The following ATF3 variants were observed in gnomAD, a reference collection of about 807,000 sequenced individuals.
ATF3 encodes the protein cyclic AMP-dependent transcription factor ATF-3.
In ATF3, 10 loss-of-function variants were observed where a neutral mutation model predicts 18.4. The ratio of observed to expected loss-of-function variants is 0.54; its 90% CI spans 0.34 to 0.92. ATF3 has a LOEUF of 0.92. ATF3 is among the 40% of genes least tolerant of loss of function. The pLI is 0.02. For missense variants in ATF3, 183 were observed against 222.3 expected (o/e 0.82, Z 1.12); for synonymous variants, 78 against 87.9 (o/e 0.89, Z 0.63).
rs1010177669 is a variant in ATF3 at position 212,615,877 on chromosome 1, T to C, written c.240+616T>C. Reference sequence around the variant, plus strand: ...TGATCACGGCTCATTGTAGCCTCAGTCTCCTGGGCTCAAGCGATCCTCCTG... The same window carrying C: ...TGATCACGGCTCATTGTAGCCTCAGCCTCCTGGGCTCAAGCGATCCTCCTG... On this transcript the variant is annotated intron_variant, in intron 2 of 3. Coordinates refer to ENST00000341491, the MANE Select transcript of ATF3 (RefSeq NM_001674.4). Among the ~76,000 whole-genome samples, 9 of 148,868 alleles carry C rather than the reference T, an allele frequency of 6.0e-5. No individual in the cohort carries two copies. The East Asian group carries it at 1.1e-3, about 17-fold the overall frequency.
chr1:212,619,784 C>G lies in ATF3; in HGVS notation c.*229C>G, dbSNP rs905011364. ...CTTTGCCTCAACTCCAGGATTTAGG[C>G]CTTAACACACTGGCCATTCTTATGT... On this transcript the variant is annotated 3_prime_UTR_variant, in exon 4 of 4. Transcript: ENST00000341491. This position sits in a 1 kb window ranked among gnomAD's most constrained non-coding sequence, Gnocchi z 4.4. 1 of 487,814 alleles carries G rather than the reference C, an allele frequency of 2.0e-6. No homozygotes were observed. Among genetic ancestry groups the G allele is most frequent in the Non-Finnish European group, 3.7e-6 (1 of 270,134 alleles). The allele number at this position is 487,814 out of a possible 1,614,324, so 30.2% of individuals were successfully genotyped here.
At chr1:212,587,963 C>T (rs1454361247) in intron 1 of ATF3, among the ~76,000 whole-genome samples, 5 of 146,524 alleles carry the variant, frequency 3.4e-5, no homozygotes, top group Admixed American at 6.9e-5. Flanking sequence ...GGGGTGGGGG[C>T]GGGTTTCATT....
At position 212,619,702 on chromosome 1, in the gene ATF3, T is replaced by A; in HGVS notation, c.*147T>A. On this transcript the variant is annotated 3_prime_UTR_variant, in exon 4 of 4. Coordinates refer to ENST00000341491, the MANE Select transcript of ATF3 (RefSeq NM_001674.4). This position sits in a 1 kb window ranked among gnomAD's most constrained non-coding sequence, Gnocchi z 4.4. Reference sequence around the variant, plus strand: ...ATCAAGGCGGGAGGGCCTGCAGTGATTCAGCAGGCCCTTCCCATTCTGCCC... The same window carrying A: ...ATCAAGGCGGGAGGGCCTGCAGTGAATCAGCAGGCCCTTCCCATTCTGCCC... 1.8e-6 allele frequency: 2 copies of A among 1,091,620 alleles called. No individual in the cohort carries two copies. Among genetic ancestry groups the A allele is most frequent in the Non-Finnish European group, 2.6e-6 (2 of 758,710 alleles). The allele number at this position is 1,091,620 out of a possible 1,614,324, so 67.6% of individuals were successfully genotyped here.
chr1:212,579,122 C>T lies in ATF3; in HGVS notation c.-5+13639C>T, dbSNP rs373288639. Among the ~76,000 whole-genome samples the T allele has an allele frequency of 2.2e-4, 33 of 151,120 alleles. No homozygotes were observed. The East Asian group carries it at 3.5e-3, about 16-fold the overall frequency. On this transcript the variant is annotated intron_variant, in intron 1 of 3. Coordinates refer to the ATF3 transcript ENST00000366981. ...CACCTCCCAGGTTCAAGTGATTCTC[C>T]TGCCTCAGCCTCCCGAGTAGCTGGG...
At chr1:212,603,350 G>C (rs1654535964) in intron 1 of ATF3, among the ~76,000 whole-genome samples, 1 of 152,266 alleles carries the variant, frequency 6.6e-6, no homozygotes, top group African/African-American at 2.4e-5. Flanking sequence ...GAGAGGGGCA[G>C]GGATTTAAAA....
chr1:212,602,466 G>T (rs1272310013), intron 1 of ATF3, among the ~76,000 whole-genome samples: 7 of 152,038 alleles, frequency 4.6e-5, no homozygotes, highest in Non-Finnish European at 1.0e-4. Flanking sequence ...ATCAAAGGAG[G>T]GCCCTGAACT....
At chr1:212,585,051 G>C (rs539585220) in intron 1 of ATF3, among the ~76,000 whole-genome samples, 17 of 152,320 alleles carry the variant, frequency 1.1e-4, no homozygotes, top group Admixed American at 5.2e-4. Flanking sequence ...GAGGAGAAGA[G>C]AAACCCTACA....
chr1:212,581,406 T>C (rs147470089), intron 1 of ATF3, among the ~76,000 whole-genome samples: 34 of 152,310 alleles, frequency 2.2e-4, no homozygotes, highest in African/African-American at 7.9e-4. Flanking sequence ...AGTAGATATG[T>C]AAGAAAAGCT....
At chr1:212,601,021 A>G (rs1654469692) in intron 1 of ATF3, among the ~76,000 whole-genome samples, 1 of 152,220 alleles carries the variant, frequency 6.6e-6, no homozygotes, top group Non-Finnish European at 1.5e-5. Flanking sequence ...AAGGTGTCTA[A>G]GTAGACTGCT....
At chr1:212,594,706 C>G (rs1664956480) in intron 1 of ATF3, among the ~76,000 whole-genome samples, 1 of 152,204 alleles carries the variant, frequency 6.6e-6, no homozygotes. Context: ...AATCTCCAGT[C>G]TGTAAAATGG....
At chr1:212,593,431 A>T (rs1410317069) in intron 1 of ATF3, among the ~76,000 whole-genome samples, 1 of 149,306 alleles carries the variant, frequency 6.7e-6, no homozygotes, top group Non-Finnish European at 1.5e-5. Context: ...CCTAAAACTT[A>T]AAGTATAAAA....
chr1:212,596,785 A>G (rs1418696471), intron 1 of ATF3, among the ~76,000 whole-genome samples: 1 of 152,272 alleles, frequency 6.6e-6, no homozygotes, highest in Non-Finnish European at 1.5e-5. Flanking sequence ...AAATTCTTTA[A>G]AGGAATGCTG....
intron 1 of ATF3, among the ~76,000 whole-genome samples, chr1:212,574,383 TGTG>T (rs2102622164): frequency 6.6e-6 from 1 of 152,164 alleles, no homozygotes; most frequent in South Asian, 2.1e-4. Context: ...TATACTGCAC[TGTG>T]ATCAAATAAT....
At position 212,619,137 on chromosome 1, in the gene ATF3, A is replaced by G. The variant is rs1176521931; in HGVS notation, c.349-221A>G. 3 of 1,614,060 alleles carry G rather than the reference A, an allele frequency of 1.9e-6. No individual in the cohort carries two copies. In the Admixed American group the frequency reaches 5.0e-5, roughly 27 times the overall value. On this transcript the variant is annotated intron_variant, in intron 3 of 3. Coordinates refer to ENST00000341491, the MANE Select transcript of ATF3 (RefSeq NM_001674.4). This position sits in a 1 kb window ranked among gnomAD's most constrained non-coding sequence, Gnocchi z 4.4. ...TGAACTGCAGCTTCAGTATTAGCAG[A>G]GCCACAGGCCGCCTCTGTGGCATCA...
chr1:212,599,560 TCTCTCTC>T (rs1320923037), intron 1 of ATF3, among the ~76,000 whole-genome samples: 2 of 152,152 alleles, frequency 1.3e-5, no homozygotes, highest in African/African-American at 4.8e-5. Flanking sequence ...TCTTCCTCCC[TCTCTCTC>T]CTCTCTCCTC....
chr1:212,615,922 T>C (rs1655103447), intron 2 of ATF3, among the ~76,000 whole-genome samples: 1 of 151,186 alleles, frequency 6.6e-6, no homozygotes, highest in African/African-American at 2.4e-5. Context: ...CCCAAAACAC[T>C]GGGATCACAG....
Position 212,579,705 on chromosome 1 carries a change from C to A in ATF3, c.-5+14222C>A, listed in dbSNP as rs557634159. 3.3e-5 allele frequency among the ~76,000 whole-genome samples: 5 copies of A among 152,290 alleles called. No homozygotes were observed. The South Asian group carries it at 1.0e-3, about 32-fold the overall frequency. ...TAATCACCCTAAATCCAGGATTCCT[C>A]TTCTGTAAAATGAGTATCTCATGGT... On this transcript the variant is annotated intron_variant, in intron 1 of 3. Transcript: ENST00000366981.
chr1:212,602,118 A>G (rs1275015357), intron 1 of ATF3, among the ~76,000 whole-genome samples: 1 of 152,232 alleles, frequency 6.6e-6, no homozygotes, highest in African/African-American at 2.4e-5. Context: ...CTAAATAAGC[A>G]GTGGCAGAAA....
rs1433779346 is a variant in ATF3 at position 212,615,111 on chromosome 1, G to A, written c.90G>A (p.Val30=). The part of the protein sequence containing the change: ...VPCLSPPGSL[V]FEDFANLTPF... The stretch of plus-strand genomic sequence containing the variant: ...GCCTGTCCCCTCCTGGGTCACTGGT[G>A]TTTGAGGATTTTGCTAACCTGACGC... The change falls in exon 2 of 4, where the codon GTG becomes GTA. Residue 30 remains valine, a synonymous_variant. Transcript: ENST00000341491. 3 of 1,614,206 alleles carry A rather than the reference G, an allele frequency of 1.9e-6. No homozygotes were observed. Among genetic ancestry groups the A allele is most frequent in the Non-Finnish European group, 2.5e-6 (3 of 1,180,034 alleles).
Sources: gnomAD v4.1 joint callset for allele counts (sites outside exome capture counted in the v4.1 genomes callset) on GRCh38, gnomAD v4.1.1 for gene constraint, Gnocchi (gnomAD v3.1) non-coding constraint, MANE v1.5 for transcripts, NCBI Gene and HGNC (gene_info 2026-07-23, HGNC 2026-07-21) for gene names.